Variants in ARMH3 observed in about 807,000 individuals in gnomAD.
ARMH3 encodes armadillo-like helical domain-containing protein 3.
A neutral mutation model predicts 99.1 loss-of-function variants in ARMH3; 60 were observed. The observed-to-expected ratio is 0.61, with a 90% CI of 0.49 to 0.75. ARMH3 has a LOEUF of 0.75. ARMH3 is among the 30% of genes least tolerant of loss of function. ARMH3 has a pLI of 0.00. For synonymous variants in ARMH3, 285 were observed against 292.8 expected (o/e 0.97, Z 0.27); for missense variants, 679 against 843.1 (o/e 0.81, Z 2.41).
At chr10:102,053,872 A>T (rs2067771273) in intron 1 of ARMH3, among the ~76,000 whole-genome samples, 1 of 151,870 alleles carries the variant, frequency 6.6e-6, no homozygotes, top group African/African-American at 2.4e-5. Flanking sequence ...GTTAGCCAGG[A>T]TGGTCTTGAT....
At chr10:102,049,826 G>A (rs866680353) in intron 1 of ARMH3, among the ~76,000 whole-genome samples, 116 of 152,082 alleles carry the variant, frequency 7.6e-4, no homozygotes, top group Middle Eastern at 3.4e-3. Flanking sequence ...CAAAGTGCTA[G>A]AATTACAGGC....
intron 12 of ARMH3, 143 bp from the exon 13 acceptor site, chr10:102,009,592 T>C: frequency 3.9e-6 from 3 of 771,568 alleles, no homozygotes; most frequent in African/African-American, 1.7e-5. Flanking sequence ...TACTTGCCAT[T>C]TGGGCGTATG....
At chr10:102,016,187 T>C (rs1321304839) in intron 8 of ARMH3, among the ~76,000 whole-genome samples, 2 of 152,206 alleles carry the variant, frequency 1.3e-5, no homozygotes, top group Non-Finnish European at 2.9e-5. Flanking sequence ...ATTTTGGATT[T>C]TTTTTTAACA....
chr10:101,920,362 G>T (rs1485261679), intron 23 of ARMH3, among the ~76,000 whole-genome samples: 2 of 152,184 alleles, frequency 1.3e-5, no homozygotes, highest in Non-Finnish European at 2.9e-5. Flanking sequence ...AAGTGTCTCT[G>T]GTTTGTCCAG....
Position 101,943,679 on chromosome 10 carries a change from A to C in ARMH3, c.1706-3741T>G, listed in dbSNP as rs539059983. Among the ~76,000 whole-genome samples, 9 of 152,308 alleles carry C rather than the reference A, an allele frequency of 5.9e-5. No individual in the cohort carries two copies. The East Asian group carries it at 7.7e-4, about 13-fold the overall frequency. ...CATATGAACCATAAGAAACAAAAAA[A>C]TATACGAAGCATAAGCAGAGGGAAA... On this transcript the variant is annotated intron_variant, in intron 22 of 25. Coordinates refer to ENST00000370033, the MANE Select transcript of ARMH3 (RefSeq NM_024541.3).
intron 20 of ARMH3, among the ~76,000 whole-genome samples, chr10:101,963,272 A>G (rs1438830373): frequency 6.6e-6 from 1 of 151,488 alleles, no homozygotes; most frequent in Non-Finnish European, 1.5e-5. Flanking sequence ...CCTCCTGAGT[A>G]GCTGGGACTA....
chr10:101,931,175 G>A (rs898113317), intron 23 of ARMH3, among the ~76,000 whole-genome samples: 2 of 152,214 alleles, frequency 1.3e-5, no homozygotes, highest in African/African-American at 4.8e-5. Context: ...TCTAATCACA[G>A]TTAAGTTCCA....
chr10:102,022,424 G>A lies in ARMH3; in HGVS notation c.669+1053C>T, dbSNP rs1394152669. 6.1e-5 allele frequency among the ~76,000 whole-genome samples: 9 copies of A among 147,472 alleles called. No individual in the cohort carries two copies. In the East Asian group the frequency reaches 1.2e-3, roughly 20 times the overall value. On this transcript the variant is annotated intron_variant, in intron 8 of 25. Coordinates refer to ENST00000370033, the MANE Select transcript of ARMH3 (RefSeq NM_024541.3). ...AAAGAATGGCGTGAACCCAGGAGGC[G>A]GAGCTTGCAGTGAGCCAAGATCGCA...
chr10:102,032,733 T>G (rs1310292587), intron 4 of ARMH3, among the ~76,000 whole-genome samples: 1 of 152,162 alleles, frequency 6.6e-6, no homozygotes, highest in African/African-American at 2.4e-5. Flanking sequence ...TAATCATTCT[T>G]GCCTCAGTTT....
intron 23 of ARMH3, among the ~76,000 whole-genome samples, chr10:101,925,541 C>T (rs1471470281): frequency 1.3e-5 from 2 of 152,034 alleles, no homozygotes; most frequent in African/African-American, 4.8e-5. Flanking sequence ...AGTGTTGTAA[C>T]TAAAGGCAGA....
In ARMH3 at chr10:101,867,104, T is replaced by A. The variant is rs1371597681; in HGVS notation, c.1861-17212A>T. Among the ~76,000 whole-genome samples, 4 of 152,340 alleles carry A rather than the reference T, an allele frequency of 2.6e-5. No individual in the cohort carries two copies. The East Asian group carries it at 7.7e-4, about 29-fold the overall frequency. On this transcript the variant is annotated intron_variant, in intron 24 of 25. Coordinates refer to ENST00000370033, the MANE Select transcript of ARMH3 (RefSeq NM_024541.3). ...GTTTATGATGAGGAGTGCCCTTATC[T>A]ATAAACCTTTAAGCCCTGAGTCTTG...
In ARMH3 at chr10:102,032,693, C is replaced by T. The variant is rs1369748724; in HGVS notation, c.306+333G>A. Among the ~76,000 whole-genome samples, 3 of 152,282 alleles carry T rather than the reference C, an allele frequency of 2.0e-5. No individual in the cohort carries two copies. In the East Asian group the frequency reaches 5.8e-4, roughly 29 times the overall value. On this transcript the variant is annotated intron_variant, in intron 4 of 25. Coordinates refer to ENST00000370033, the MANE Select transcript of ARMH3 (RefSeq NM_024541.3). Reference sequence around the variant, plus strand: ...AGGATTACAGGCGTGAACCACCGTGCCCAGCAGTCTTCTGATTTTTGATAA... The same window carrying T: ...AGGATTACAGGCGTGAACCACCGTGTCCAGCAGTCTTCTGATTTTTGATAA...
chr10:102,029,342 T>A, intron 5 of ARMH3: 1 of 1,064,960 alleles, frequency 9.4e-7, no homozygotes, highest in Non-Finnish European at 1.3e-6. Context: ...TTGTTATATT[T>A]TATTTAAATT....
chr10:101,930,921 A>G (rs1843696878), intron 23 of ARMH3, among the ~76,000 whole-genome samples: 2 of 152,248 alleles, frequency 1.3e-5, no homozygotes, highest in Admixed American at 6.5e-5. Context: ...AGTAATCTCA[A>G]TAATGACATA....
At chr10:102,045,640 T>C (rs1250462444) in intron 1 of ARMH3, among the ~76,000 whole-genome samples, 1 of 152,076 alleles carries the variant, frequency 6.6e-6, no homozygotes, top group South Asian at 2.1e-4. Flanking sequence ...TTAAAGTGGG[T>C]CTTTTGTGTT....
At chr10:101,897,498 C>G (rs2067866533) in intron 23 of ARMH3, among the ~76,000 whole-genome samples, 1 of 152,196 alleles carries the variant, frequency 6.6e-6, no homozygotes, top group African/African-American at 2.4e-5. Context: ...GCTTTTCTTC[C>G]TCTTAAGTCA....
intron 14 of ARMH3, among the ~76,000 whole-genome samples, chr10:102,002,403 A>C (rs1045596629): frequency 1.1e-4 from 16 of 152,092 alleles, no homozygotes; most frequent in African/African-American, 3.6e-4. Context: ...CCCTTCTTAA[A>C]GAAACTTCGA....
At chr10:101,929,070 T>A (rs573372150) in intron 23 of ARMH3, among the ~76,000 whole-genome samples, 1 of 152,298 alleles carries the variant, frequency 6.6e-6, no homozygotes, top group African/African-American at 2.4e-5. Flanking sequence ...TACAAGAATG[T>A]CTTCTACAAA....
At chr10:101,996,877 C>A (rs2136036979) in intron 15 of ARMH3, among the ~76,000 whole-genome samples, 1 of 152,150 alleles carries the variant, frequency 6.6e-6, no homozygotes, top group East Asian at 1.9e-4. Flanking sequence ...TGCCTAGTAT[C>A]TATTATAAAG....
Sources: gnomAD v4.1 joint callset for allele counts (sites outside exome capture counted in the v4.1 genomes callset) on GRCh38, gnomAD v4.1.1 for gene constraint, MANE v1.5 for transcripts, NCBI Gene and HGNC (gene_info 2026-07-23, HGNC 2026-07-21) for gene names.